The following GPRC5B variants were observed in gnomAD, a reference collection of about 807,000 sequenced individuals.
GPRC5B encodes G protein-coupled receptor family C group 5 member B.
A neutral mutation model predicts 30.1 loss-of-function variants in GPRC5B; 16 were observed. That is an observed-to-expected ratio of 0.53 (90% CI 0.36 to 0.81). GPRC5B has a LOEUF of 0.81. GPRC5B is among the 30% of genes least tolerant of loss of function. GPRC5B has a pLI of 0.01. For missense variants in GPRC5B, 428 were observed against 544.7 expected, an observed-to-expected ratio of 0.79 and a Z score of 2.13; for synonymous variants, 241 against 239.5, an observed-to-expected ratio of 1.01 and a Z score of -0.06.
chr16:19,876,342 T>C (rs917195331), intron 1 of GPRC5B, among the ~76,000 whole-genome samples: 4 of 152,134 alleles, frequency 2.6e-5, no homozygotes, highest in Non-Finnish European at 2.9e-5. Flanking sequence ...ATAGGACAGC[T>C]CCCATGAGAA....
chr16:19,876,530 C>T (rs542411982), intron 1 of GPRC5B, among the ~76,000 whole-genome samples: 13 of 152,242 alleles, frequency 8.5e-5, no homozygotes, highest in African/African-American at 3.1e-4. Context: ...CATTCACTCC[C>T]TGAGGGGGTT....
At chr16:19,885,613 T>C, upstream of GPRC5B, 1 of 1,020,242 alleles carries the variant, frequency 9.8e-7, no homozygotes, top group Non-Finnish European at 1.2e-6. This position sits in a 1 kb window ranked among gnomAD's most constrained non-coding sequence, Gnocchi z 5.3. Context: ...TACGCACATG[T>C]CCACTGCCCT....
At chr16:19,861,752 TGGA>T (rs1567206670) in intron 3 of GPRC5B, 82 bp downstream of exon 3, 3 of 1,162,846 alleles carry the variant, frequency 2.6e-6, no homozygotes, top group African/African-American at 3.0e-5. Flanking sequence ...GCAGCCTCCA[TGGA>T]GGAGTATGTC....
rs368640370 is a variant in GPRC5B, at chr16:19,872,552, C to T, written c.294G>A (p.Leu98=). Residue 98 remains leucine, a synonymous_variant, in exon 2 of 4, where the codon CTG becomes CTA. Transcript: ENST00000300571. The surrounding 1 kb of genome is among the most constrained non-coding windows in gnomAD (Gnocchi z 5.0). ...AGAGGCCCAGGGTCCCCAGGAGGAA[C>T]AGAAAGTGGAGGCCCACAGGGCTCT... is the stretch of plus-strand genomic sequence containing the variant. ...EKKSPVGLHF[L]FLLGTLGLFG... is the part of the protein sequence containing the mutation. 1 of 1,614,008 alleles carries T rather than the reference C, an allele frequency of 6.2e-7. No homozygotes were observed. The highest frequency in any genetic ancestry group is 8.5e-7 in the Non-Finnish European group (1 of 1,179,996).
chr16:19,870,111 A>T (rs1247219545), intron 2 of GPRC5B, among the ~76,000 whole-genome samples: 1 of 152,106 alleles, frequency 6.6e-6, no homozygotes, highest in East Asian at 1.9e-4. Flanking sequence ...ACACTGGGAG[A>T]TGGGAGCCTG....
chr16:19,858,457 T>C lies in GPRC5B; in HGVS notation c.*2043A>G. ...TTATATGCTTGGACAATAAAGAACTTAGAAAACGAACGTGTGAATTGCTCC... is the reference window on the plus strand; with the variant it reads ...TTATATGCTTGGACAATAAAGAACTCAGAAAACGAACGTGTGAATTGCTCC... On this transcript the variant is annotated 3_prime_UTR_variant, in exon 4 of 4. Transcript: ENST00000300571. The C allele has an allele frequency of 1.5e-6, 1 of 674,970 alleles. No individual in the cohort carries two copies. The highest frequency in any genetic ancestry group is 2.7e-6 in the Non-Finnish European group (1 of 371,300). 41.8% of individuals were successfully genotyped at this position (674,970 alleles called of 1,614,324 possible).
At chr16:19,883,419 C>T (rs1048491894) in intron 1 of GPRC5B, among the ~76,000 whole-genome samples, 1 of 152,232 alleles carries the variant, frequency 6.6e-6, no homozygotes, top group Non-Finnish European at 1.5e-5. Flanking sequence ...ACGACAGATG[C>T]CAATTTGCAT....
chr16:19,872,775 G>A lies in GPRC5B; in HGVS notation c.71C>T (p.Thr24Ile), dbSNP rs756041125. Residue 24 changes from threonine (T) to isoleucine (I), a missense_variant, in exon 2 of 4, where the codon ACC becomes ATC. By Grantham distance (89) the Thr-to-Ile change is moderately conservative. Coordinates refer to ENST00000300571, the MANE Select transcript of GPRC5B (RefSeq NM_016235.3). This position sits in a 1 kb window ranked among gnomAD's most constrained non-coding sequence, Gnocchi z 5.0. ...GCTGGCGTTTTCAGAGGCCACCGAG[G>A]TGATCACGAAGAGCAGGAGGAAGGT... ...VLTFLLLFVI[T>I]SVASENASTS... 3.1e-6 allele frequency: 5 copies of A among 1,613,736 alleles called. No homozygotes were observed. The highest frequency in any genetic ancestry group is 4.2e-6 in the Non-Finnish European group (5 of 1,179,900).
intron 1 of GPRC5B, among the ~76,000 whole-genome samples, chr16:19,876,035 G>T (rs1371889764): frequency 6.6e-6 from 1 of 152,210 alleles, no homozygotes; most frequent in Non-Finnish European, 1.5e-5. Flanking sequence ...GGCCAGCTCA[G>T]TTAAGAGACT....
At chr16:19,879,960 C>T (rs1200715835) in intron 1 of GPRC5B, among the ~76,000 whole-genome samples, 1 of 151,732 alleles carries the variant, frequency 6.6e-6, no homozygotes, top group Non-Finnish European at 1.5e-5. Flanking sequence ...CATAGTGAAA[C>T]CCTGTCTCTA....
rs772325462 is a variant in GPRC5B at position 19,872,707 on chromosome 16, A to T, written c.139T>A (p.Ser47Thr). 6.2e-7 allele frequency: 1 copy of T among 1,613,862 alleles called. No individual in the cohort carries two copies. Among genetic ancestry groups the T allele is most frequent in the South Asian group, 1.1e-5 (1 of 91,090 alleles). The change falls in exon 2 of 4, where the codon TCC becomes ACC. Residue 47 changes from serine to threonine, a missense_variant. Physicochemically the swap from Ser to Thr is moderately conservative, Grantham distance 58. Coordinates refer to ENST00000300571, the MANE Select transcript of GPRC5B (RefSeq NM_016235.3). This position sits in a 1 kb window ranked among gnomAD's most constrained non-coding sequence, Gnocchi z 5.0. Reference sequence around the variant, plus strand: ...CAGATGGCGTCCAGGTCGCACAGGGACACGTACTGAGGGAGGAGGTCCAGC... The same window carrying T: ...CAGATGGCGTCCAGGTCGCACAGGGTCACGTACTGAGGGAGGAGGTCCAGC... ...CGLDLLPQYV[S>T]LCDLDAIWGI...
intron 1 of GPRC5B, among the ~76,000 whole-genome samples, chr16:19,873,478 A>C (rs1467709971): frequency 6.6e-6 from 1 of 151,950 alleles, no homozygotes; most frequent in Admixed American, 6.6e-5. Flanking sequence ...AAAAAAAAAA[A>C]AAACCAAAGA....
At chr16:19,871,426 A>G (rs1356213013) in intron 2 of GPRC5B, among the ~76,000 whole-genome samples, 1 of 152,076 alleles carries the variant, frequency 6.6e-6, no homozygotes, top group Non-Finnish European at 1.5e-5. Context: ...GTTCAAGACC[A>G]AGCTGGCCAA....
intron 1 of GPRC5B, among the ~76,000 whole-genome samples, chr16:19,878,059 C>T (rs527664293): frequency 2.0e-5 from 3 of 151,830 alleles, no homozygotes; most frequent in East Asian, 2.0e-4. Context: ...ATGAGCTGGG[C>T]GTGGTGGCAC....
intron 2 of GPRC5B, among the ~76,000 whole-genome samples, chr16:19,863,063 G>C (rs1451999728): frequency 6.6e-6 from 1 of 152,090 alleles, no homozygotes; most frequent in African/African-American, 2.4e-5. Flanking sequence ...GCGCCAACCA[G>C]GAGCCAGGCA....
Position 19,884,709 on chromosome 16 carries a change from G to T in GPRC5B, c.-2+18C>A. 1.0e-6 allele frequency: 1 copy of T among 985,072 alleles called. No individual in the cohort carries two copies. Among genetic ancestry groups the T allele is most frequent in the Non-Finnish European group, 1.2e-6 (1 of 829,798 alleles). 61.0% of individuals were successfully genotyped at this position (985,072 alleles called of 1,614,324 possible). A position where few individuals can be genotyped will look rare whatever the true frequency, so the allele number is the denominator to read the frequency against. ...TCCCCACAGCGTCCTCCACTGCATCGGCGCAGCTCGCACTTACCGACCCCC... is the reference window on the plus strand; with the variant it reads ...TCCCCACAGCGTCCTCCACTGCATCTGCGCAGCTCGCACTTACCGACCCCC... On this transcript the variant is annotated intron_variant, in intron 1 of 3. Coordinates refer to ENST00000300571, the MANE Select transcript of GPRC5B (RefSeq NM_016235.3).
chr16:19,860,440 G>T lies in GPRC5B; in HGVS notation c.*60C>A. ...TGTTACCGATTTCTCCCTCAAGAAA[G>T]ACACAGCCAGGGAGGCAAATCGGTA... On this transcript the variant is annotated 3_prime_UTR_variant, in exon 4 of 4. Coordinates refer to ENST00000300571, the MANE Select transcript of GPRC5B (RefSeq NM_016235.3). 9.4e-7 allele frequency: 1 copy of T among 1,068,590 alleles called. No homozygotes were observed. Among genetic ancestry groups the T allele is most frequent in the South Asian group, 1.3e-5 (1 of 77,092 alleles). 66.2% of individuals were successfully genotyped at this position (1,068,590 alleles called of 1,614,324 possible). A position where few individuals can be genotyped will look rare whatever the true frequency, so the allele number is the denominator to read the frequency against.
intron 2 of GPRC5B, among the ~76,000 whole-genome samples, chr16:19,868,733 G>A (rs2056686576): frequency 6.6e-6 from 1 of 152,198 alleles, no homozygotes; most frequent in Non-Finnish European, 1.5e-5. Flanking sequence ...GGGATTTCCA[G>A]CCCTATCTAG....
intron 2 of GPRC5B, among the ~76,000 whole-genome samples, chr16:19,865,117 C>T (rs1487075769): frequency 6.6e-6 from 1 of 151,650 alleles, no homozygotes; most frequent in Non-Finnish European, 1.5e-5. Flanking sequence ...CTATGCTACT[C>T]AGGCTGGTCT....
Sources: allele counts gnomAD v4.1 joint callset (sites outside exome capture counted in the v4.1 genomes callset), GRCh38; gene constraint gnomAD v4.1.1; non-coding constraint Gnocchi (gnomAD v3.1); transcripts MANE v1.5; gene names NCBI Gene and HGNC (gene_info 2026-07-23, HGNC 2026-07-21).